CDK14: variants seen among roughly 807,000 people sequenced by gnomAD.
CDK14 encodes cyclin-dependent kinase 14.
In CDK14, 34 loss-of-function variants were observed where a neutral mutation model predicts 60.7. The ratio of observed to expected loss-of-function variants is 0.56; its 90% CI spans 0.43 to 0.75. The LOEUF is 0.75. Among genes scored for constraint, CDK14 ranks in the 30% least tolerant of loss-of-function variants. The probability of loss-of-function intolerance (pLI) is 0.00; values close to 1 mark genes in which losing one functional copy is unlikely to be tolerated. For missense variants in CDK14, 482 were observed against 564.1 expected (o/e 0.85, Z 1.47); for synonymous variants, 197 against 203.7 (o/e 0.97, Z 0.28).
intron 8 of CDK14, among the ~76,000 whole-genome samples, chr7:90,931,170 G>T (rs1020612044): frequency 3.3e-5 from 5 of 152,170 alleles, no homozygotes; most frequent in Non-Finnish European, 7.3e-5. Context: ...ACTGGAATTA[G>T]TGCTATTAAA....
At chr7:90,751,094 A>G (rs1452306272) in intron 4 of CDK14, among the ~76,000 whole-genome samples, 1 of 152,154 alleles carries the variant, frequency 6.6e-6, no homozygotes, top group Admixed American at 6.5e-5. Context: ...AAGGTAAACA[A>G]CCTGGAAAAC....
intron 14 of CDK14, among the ~76,000 whole-genome samples, chr7:91,142,241 A>G (rs1800489306): frequency 6.6e-6 from 1 of 152,166 alleles, no homozygotes. Context: ...AAAAAGGAAG[A>G]TTAGACCACT....
At chr7:90,711,890 T>A (rs1802076372) in intron 2 of CDK14, among the ~76,000 whole-genome samples, 1 of 151,378 alleles carries the variant, frequency 6.6e-6, no homozygotes, top group Non-Finnish European at 1.5e-5. Flanking sequence ...CTATGTTTTT[T>A]TTTTTTTTTT....
intron 8 of CDK14, among the ~76,000 whole-genome samples, chr7:90,941,719 G>A (rs1297135238): frequency 6.6e-6 from 1 of 152,070 alleles, no homozygotes; most frequent in African/African-American, 2.4e-5. Context: ...CTCCCAGGTA[G>A]CTGAGAATAC....
intron 9 of CDK14, among the ~76,000 whole-genome samples, chr7:90,978,097 A>G (rs1247691489): frequency 6.6e-6 from 1 of 152,184 alleles, no homozygotes; most frequent in Non-Finnish European, 1.5e-5. Context: ...AAAAGCAATT[A>G]ACCAGGTACA....
chr7:90,895,103 A>G (rs1392603827), intron 6 of CDK14, among the ~76,000 whole-genome samples: 1 of 152,096 alleles, frequency 6.6e-6, no homozygotes, highest in East Asian at 1.9e-4. Context: ...TGTATATGTT[A>G]TTTGAAGATT....
At chr7:90,696,339 T>C (rs10258622) in intron 2 of CDK14, among the ~76,000 whole-genome samples, 34 of 59,642 alleles carry the variant, frequency 5.7e-4, no homozygotes, top group Non-Finnish European at 4.5e-4. Flanking sequence ...TCTTCTTCTT[T>C]TTTTTTTTTT....
Position 90,893,237 on chromosome 7 carries a change from G to A in CDK14, c.640-6054G>A, listed in dbSNP as rs182551543. 2.6e-5 allele frequency among the ~76,000 whole-genome samples: 4 copies of A among 152,254 alleles called. No homozygotes were observed. In the East Asian group the frequency reaches 7.7e-4, roughly 29 times the overall value. ...GTATATCTGGTAGCATTAAGGCATA[G>A]CAATGGTGATGGAGTAAAGGGGAAA... On this transcript the variant is annotated intron_variant, in intron 6 of 14. Transcript: ENST00000380050.
chr7:91,129,126 G>A (rs1180663570), intron 14 of CDK14, among the ~76,000 whole-genome samples: 1 of 152,166 alleles, frequency 6.6e-6, no homozygotes, highest in Non-Finnish European at 1.5e-5. Context: ...TGGATCCCCA[G>A]GGGCTTCACG....
At chr7:91,182,460 G>T (rs1802034624) in intron 14 of CDK14, among the ~76,000 whole-genome samples, 1 of 151,394 alleles carries the variant, frequency 6.6e-6, no homozygotes, top group African/African-American at 2.4e-5. Context: ...GATAAAATAA[G>T]GTTTATTCAA....
intron 6 of CDK14, among the ~76,000 whole-genome samples, chr7:90,868,117 A>G (rs1458013487): frequency 1.3e-5 from 2 of 152,036 alleles, no homozygotes. Context: ...ATGGCAGAGC[A>G]AGAATTTGTC....
At chr7:90,658,261 G>A (rs1800791793) in intron 2 of CDK14, among the ~76,000 whole-genome samples, 1 of 152,162 alleles carries the variant, frequency 6.6e-6, no homozygotes, top group African/African-American at 2.4e-5. Context: ...CAACAGAAAT[G>A]TATTTCTCAT....
At chr7:90,814,315 C>G (rs1195605020) in intron 5 of CDK14, among the ~76,000 whole-genome samples, 1 of 152,026 alleles carries the variant, frequency 6.6e-6, no homozygotes, top group East Asian at 1.9e-4. Flanking sequence ...TCAGGGGTCT[C>G]TTGTTGATGC....
At chr7:90,988,748 G>A (rs1795446571) in intron 10 of CDK14, among the ~76,000 whole-genome samples, 1 of 147,734 alleles carries the variant, frequency 6.8e-6, no homozygotes, top group African/African-American at 2.4e-5. Context: ...TGTGGCTCAT[G>A]GCCCATTGTG....
rs527650098 is a variant in CDK14, at chr7:91,181,043, G to T, written c.*29-26122G>T. ...GAATGTAGTTCTATAAATACCATCC[G>T]TTTTAAACCTAATCACAACACCATG... On this transcript the variant is annotated intron_variant, in intron 14 of 14. Coordinates refer to ENST00000380050, the MANE Select transcript of CDK14 (RefSeq NM_001287135.2). 2.0e-5 allele frequency among the ~76,000 whole-genome samples: 3 copies of T among 152,100 alleles called. No homozygotes were observed. The East Asian group carries it at 5.8e-4, about 29-fold the overall frequency.
chr7:90,906,226 A>G (rs1792695368), intron 7 of CDK14, among the ~76,000 whole-genome samples: 2 of 149,192 alleles, frequency 1.3e-5, no homozygotes, highest in South Asian at 4.1e-4. Context: ...CTAGATATTA[A>G]TTGTTTTTAA....
chr7:91,103,018 C>A (rs1205519506), intron 12 of CDK14, among the ~76,000 whole-genome samples: 1 of 152,114 alleles, frequency 6.6e-6, no homozygotes, highest in Non-Finnish European at 1.5e-5. Context: ...CTTTGGGAGG[C>A]TGAGGCGGGC....
At chr7:91,011,705 G>T (rs913268889) in intron 10 of CDK14, among the ~76,000 whole-genome samples, 3 of 152,048 alleles carry the variant, frequency 2.0e-5, no homozygotes, top group South Asian at 2.1e-4. Flanking sequence ...TCAGTAATCT[G>T]TTCTTCTTCA....
At chr7:91,082,831 G>A (rs1233671724) in intron 12 of CDK14, among the ~76,000 whole-genome samples, 1 of 152,130 alleles carries the variant, frequency 6.6e-6, no homozygotes, top group African/African-American at 2.4e-5. Flanking sequence ...TGTTGGTGGT[G>A]CTCTATTGTA....
Sources: gnomAD v4.1 joint callset for allele counts (sites outside exome capture counted in the v4.1 genomes callset) on GRCh38, gnomAD v4.1.1 for gene constraint, MANE v1.5 for transcripts, NCBI Gene and HGNC (gene_info 2026-07-23, HGNC 2026-07-21) for gene names.